KCNAB1: variants seen among roughly 807,000 people sequenced by gnomAD.
KCNAB1 encodes potassium voltage-gated channel subfamily A regulatory beta subunit 1.
A neutral mutation model predicts 64.6 loss-of-function variants in KCNAB1; 35 were observed. The observed-to-expected ratio is 0.54, with a 90% CI of 0.41 to 0.72. KCNAB1 has a LOEUF of 0.72. Ranked by LOEUF, KCNAB1 falls within the 30% of genes least tolerant of loss-of-function variation. The pLI is 0.00. For missense variants in KCNAB1, 401 were observed against 512.9 expected (o/e 0.78, Z 2.11); for synonymous variants, 177 against 183.8 (o/e 0.96, Z 0.30).
chr3:156,387,841 A>T (rs1712728688), intron 1 of KCNAB1, among the ~76,000 whole-genome samples: 1 of 152,212 alleles, frequency 6.6e-6, no homozygotes, highest in South Asian at 2.1e-4. Context: ...TTTTTTTAAA[A>T]TCCAAACCAT....
At chr3:156,323,092 T>C (rs1312196989) in intron 1 of KCNAB1, among the ~76,000 whole-genome samples, 2 of 152,196 alleles carry the variant, frequency 1.3e-5, no homozygotes, top group Non-Finnish European at 2.9e-5. Context: ...AGCAGGCCCT[T>C]TGCCTTAGTT....
intron 8 of KCNAB1, among the ~76,000 whole-genome samples, chr3:156,484,829 A>C (rs958637391): frequency 1.7e-4 from 26 of 148,986 alleles, no homozygotes; most frequent in African/African-American, 6.4e-4. Flanking sequence ...GGTTTTGTTA[A>C]CCCCCCTCCT....
intron 5 of KCNAB1, among the ~76,000 whole-genome samples, chr3:156,461,551 T>C (rs1712912298): frequency 2.0e-5 from 3 of 152,178 alleles, no homozygotes; most frequent in South Asian, 4.1e-4. Flanking sequence ...CTTTAACATA[T>C]CTTTTTGGGG....
At chr3:156,519,618 T>C (rs1212537893) in intron 11 of KCNAB1, among the ~76,000 whole-genome samples, 1 of 152,218 alleles carries the variant, frequency 6.6e-6, no homozygotes, top group African/African-American at 2.4e-5. Flanking sequence ...ATGGGGACTC[T>C]ATTGGTTCAC....
chr3:156,277,180 AAC>A (rs1277265788), intron 1 of KCNAB1, among the ~76,000 whole-genome samples: 1 of 152,202 alleles, frequency 6.6e-6, no homozygotes, highest in African/African-American at 2.4e-5. Context: ...GAGCACTGAG[AAC>A]ACACACAACA....
At chr3:156,423,021 A>T (rs1284527519) in intron 2 of KCNAB1, among the ~76,000 whole-genome samples, 4 of 152,236 alleles carry the variant, frequency 2.6e-5, no homozygotes, top group Admixed American at 6.5e-5. Flanking sequence ...GGGTTCAGCA[A>T]CATGGAGGTC....
At chr3:156,405,064 C>G (rs898060302) in intron 1 of KCNAB1, among the ~76,000 whole-genome samples, 1 of 152,198 alleles carries the variant, frequency 6.6e-6, no homozygotes, top group African/African-American at 2.4e-5. Context: ...ATAAACTCCT[C>G]TAACTGAGAC....
At chr3:156,271,458 A>G (rs966872210) in intron 1 of KCNAB1, among the ~76,000 whole-genome samples, 1 of 152,200 alleles carries the variant, frequency 6.6e-6, no homozygotes, top group African/African-American at 2.4e-5. Flanking sequence ...TGCTTGATCA[A>G]TTCTGCTGTT....
chr3:156,419,289 T>C (rs918325238), intron 1 of KCNAB1, among the ~76,000 whole-genome samples: 16 of 151,658 alleles, frequency 1.1e-4, no homozygotes, highest in Admixed American at 9.8e-4. Flanking sequence ...GATCACGAGG[T>C]CAGGAGATCG....
intron 1 of KCNAB1, among the ~76,000 whole-genome samples, chr3:156,231,418 G>A: frequency 6.6e-6 from 1 of 151,722 alleles, no homozygotes; most frequent in Non-Finnish European, 1.5e-5. Flanking sequence ...CCTTGAAATT[G>A]CCCTACAAAA....
At chr3:156,251,950 T>G (rs551812931) in intron 1 of KCNAB1, among the ~76,000 whole-genome samples, 1 of 152,244 alleles carries the variant, frequency 6.6e-6, no homozygotes, top group Non-Finnish European at 1.5e-5. Flanking sequence ...AAGAAGTGAC[T>G]GAGAAAGAAA....
chr3:156,375,552 T>C (rs929433926), intron 1 of KCNAB1, among the ~76,000 whole-genome samples: 1 of 135,416 alleles, frequency 7.4e-6, no homozygotes. Context: ...AAATGAATTA[T>C]AAAATGGTGT....
chr3:156,463,518 C>T (rs951051396), intron 5 of KCNAB1, among the ~76,000 whole-genome samples, 184 bp from the exon 6 acceptor site: 4 of 152,166 alleles, frequency 2.6e-5, no homozygotes, highest in African/African-American at 9.7e-5. Flanking sequence ...GACTTTGAGT[C>T]CCCCGCACTA....
At chr3:156,291,226 G>T (rs944218171) in intron 1 of KCNAB1, 14 of 986,500 alleles carry the variant, frequency 1.4e-5, no homozygotes, top group Middle Eastern at 5.2e-4. Context: ...ACCCGTGTCG[G>T]TGCAGGCTCA....
intron 8 of KCNAB1, among the ~76,000 whole-genome samples, chr3:156,490,397 T>C (rs1047582780): frequency 2.6e-5 from 4 of 152,158 alleles, no homozygotes; most frequent in African/African-American, 9.6e-5. Flanking sequence ...AGAAAGTCTC[T>C]AACAGGAAAA....
At position 156,157,998 on chromosome 3, in the gene KCNAB1, C is replaced by T. The variant is rs1340925816; in HGVS notation, c.275+37112C>T. ...CTAACACGGTGAAACCCCGTCTCTA[C>T]TAAAAATACAAAAAAAATTAGCCGG... On this transcript the variant is annotated intron_variant, in intron 1 of 13. Transcript: ENST00000490337. Among the ~76,000 whole-genome samples the T allele has an allele frequency of 5.3e-5, 8 of 151,578 alleles. No individual in the cohort carries two copies. The East Asian group carries it at 1.6e-3, about 29-fold the overall frequency.
intron 1 of KCNAB1, among the ~76,000 whole-genome samples, chr3:156,240,213 T>A (rs1322593021): frequency 1.7e-4 from 26 of 152,198 alleles, no homozygotes; most frequent in Non-Finnish European, 1.5e-5. Flanking sequence ...TAAAACATAA[T>A]AACACATTTT....
intron 1 of KCNAB1, among the ~76,000 whole-genome samples, chr3:156,185,988 C>T (rs1447804742): frequency 6.6e-6 from 1 of 152,190 alleles, no homozygotes; most frequent in Non-Finnish European, 1.5e-5. Context: ...CTTCCTTTGG[C>T]CTTGCAAATC....
Position 156,141,532 on chromosome 3 carries a change from C to CT in KCNAB1, c.275+20657dup, listed in dbSNP as rs35188958. On this transcript the variant is annotated intron_variant, in intron 1 of 13. Coordinates refer to ENST00000490337, the MANE Select transcript of KCNAB1 (RefSeq NM_172160.3). ...CCAAAATGCAACCTTTTGGTATTAGCTTTTTTTTTTTCCCACACTCAGCGT... is the reference window on the plus strand; with the variant it reads ...CCAAAATGCAACCTTTTGGTATTAGCTTTTTTTTTTTTCCCACACTCAGCGT... 6.2e-3 allele frequency among the ~76,000 whole-genome samples: 918 copies of CT among 147,182 alleles called. 8 individuals are homozygous for CT. Among genetic ancestry groups the CT allele is most frequent in the African/African-American group, 0.021 (845 of 40,376 alleles).
Sources: allele counts gnomAD v4.1 joint callset (sites outside exome capture counted in the v4.1 genomes callset), GRCh38; gene constraint gnomAD v4.1.1; transcripts MANE v1.5; gene names NCBI Gene and HGNC (gene_info 2026-07-23, HGNC 2026-07-21).